TBC1D5: variants seen among roughly 807,000 people sequenced by gnomAD.
The protein encoded by TBC1D5 is TBC1 domain family, member 5.
TBC1D5 carries 75 observed loss-of-function variants against 100.3 expected under a neutral mutation model. The observed-to-expected ratio is 0.75, with a 90% CI of 0.62 to 0.91. TBC1D5 has a LOEUF of 0.91. Ranked by LOEUF, TBC1D5 falls within the 40% of genes least tolerant of loss-of-function variation. The pLI, the probability that TBC1D5 is intolerant of heterozygous loss-of-function variation, is 0.00. For synonymous variants in TBC1D5, 323 were observed against 325.6 expected, an observed-to-expected ratio of 0.99 and a Z score of 0.09; for missense variants, 910 against 942.4, an observed-to-expected ratio of 0.97 and a Z score of 0.45.
intron 15 of TBC1D5, among the ~76,000 whole-genome samples, chr3:17,265,154 GAATAT>G (rs1011470688): frequency 2.6e-5 from 4 of 152,030 alleles, no homozygotes; most frequent in Admixed American, 6.6e-5. Context: ...TAGCATATGA[GAATAT>G]AATAATCAAA....
At chr3:17,571,991 A>G (rs2096630110) in intron 2 of TBC1D5, among the ~76,000 whole-genome samples, 1 of 151,968 alleles carries the variant, frequency 6.6e-6, no homozygotes, top group South Asian at 2.1e-4. Context: ...GGCATCTCTA[A>G]TAAGCAAAAT....
intron 1 of TBC1D5, among the ~76,000 whole-genome samples, chr3:17,739,097 T>C (rs539165234): frequency 1.3e-5 from 2 of 152,214 alleles, no homozygotes; most frequent in Admixed American, 1.3e-4. Flanking sequence ...TCCCAGCTCT[T>C]CCACTGCTGA....
At chr3:17,633,688 T>A (rs927911059) in intron 1 of TBC1D5, among the ~76,000 whole-genome samples, 3 of 152,192 alleles carry the variant, frequency 2.0e-5, no homozygotes, top group Non-Finnish European at 2.9e-5. Context: ...TACTTTGGAT[T>A]AGAATCATTC....
chr3:17,181,793 A>C (rs1442076450), intron 19 of TBC1D5, among the ~76,000 whole-genome samples: 1 of 152,224 alleles, frequency 6.6e-6, no homozygotes, highest in Non-Finnish European at 1.5e-5. Flanking sequence ...CTAGGCAACC[A>C]CTGTTAACAG....
intron 1 of TBC1D5, among the ~76,000 whole-genome samples, chr3:17,651,303 A>C (rs2065528851): frequency 6.6e-6 from 1 of 152,232 alleles, no homozygotes; most frequent in Admixed American, 6.5e-5. Context: ...GAATGTTTAT[A>C]ATGTAAGAAA....
At chr3:17,602,169 C>T (rs1270487276) in intron 2 of TBC1D5, among the ~76,000 whole-genome samples, 1 of 152,180 alleles carries the variant, frequency 6.6e-6, no homozygotes, top group Non-Finnish European at 1.5e-5. Flanking sequence ...TATTCCACAA[C>T]CCATAACCTT....
intron 2 of TBC1D5, among the ~76,000 whole-genome samples, chr3:17,539,717 A>T (rs1207846564): frequency 6.6e-6 from 1 of 152,196 alleles, no homozygotes; most frequent in East Asian, 1.9e-4. Context: ...CGAAGGGTTC[A>T]TTCAGACAAT....
intron 3 of TBC1D5, among the ~76,000 whole-genome samples, chr3:17,451,664 C>A (rs1293255563): frequency 2.0e-5 from 3 of 152,124 alleles, no homozygotes; most frequent in Non-Finnish European, 4.4e-5. Context: ...AGGAGAAATA[C>A]CTAATGTGGA....
intron 3 of TBC1D5, among the ~76,000 whole-genome samples, chr3:17,458,632 C>T (rs1471990590): frequency 2.6e-5 from 4 of 152,152 alleles, no homozygotes; most frequent in African/African-American, 9.7e-5. Flanking sequence ...ATGCCTCTCC[C>T]TGCAGGTATT....
At chr3:17,255,274 C>G (rs1425564367) in intron 16 of TBC1D5, among the ~76,000 whole-genome samples, 1 of 152,166 alleles carries the variant, frequency 6.6e-6, no homozygotes, top group Non-Finnish European at 1.5e-5. Context: ...GATCTCGGCT[C>G]ACTGCAACCT....
At chr3:17,287,267 A>G (rs1166177369) in intron 15 of TBC1D5, among the ~76,000 whole-genome samples, 1 of 152,230 alleles carries the variant, frequency 6.6e-6, no homozygotes, top group African/African-American at 2.4e-5. Flanking sequence ...AATCAATTCT[A>G]TCATTATTTC....
intron 18 of TBC1D5, among the ~76,000 whole-genome samples, chr3:17,192,730 A>C (rs1225077730): frequency 1.3e-5 from 2 of 152,254 alleles, no homozygotes. Flanking sequence ...CATTTATTTC[A>C]ACCCCTTCTT....
At chr3:17,367,145 A>G (rs1410202148) in intron 13 of TBC1D5, among the ~76,000 whole-genome samples, 1 of 152,220 alleles carries the variant, frequency 6.6e-6, no homozygotes, top group Non-Finnish European at 1.5e-5. Flanking sequence ...TACAGATTCA[A>G]TACATTTAAA....
chr3:17,563,791 G>T (rs939194076), intron 2 of TBC1D5, among the ~76,000 whole-genome samples: 5 of 151,710 alleles, frequency 3.3e-5, no homozygotes, highest in African/African-American at 1.2e-4. Flanking sequence ...TTGTTTTTTT[G>T]GTTTTTTTTG....
Position 17,519,562 on chromosome 3 carries a change from G to GT in TBC1D5, c.-35-10958dup, listed in dbSNP as rs530260144. Among the ~76,000 whole-genome samples the GT allele has an allele frequency of 7.0e-4, 107 of 152,256 alleles. 1 individual carries two copies. The highest frequency in any genetic ancestry group is 7.8e-4 in the Admixed American group (12 of 15,296). ...TAACCATTCTTTAGTATAATGGTTG[G>GT]TTTTCGACTAACTTCTATTGTGAGG... is the stretch of plus-strand genomic sequence containing the variant. On this transcript the variant is annotated intron_variant, in intron 2 of 21. Coordinates refer to ENST00000253692, the Ensembl canonical transcript of TBC1D5.
intron 1 of TBC1D5, among the ~76,000 whole-genome samples, chr3:17,708,072 C>A (rs1052143553): frequency 1.1e-4 from 16 of 152,152 alleles, no homozygotes; most frequent in Non-Finnish European, 1.3e-4. Flanking sequence ...CTGTTCACCA[C>A]CCCCAGTGGC....
chr3:17,647,286 A>C (rs1303932144), intron 1 of TBC1D5, among the ~76,000 whole-genome samples: 1 of 152,134 alleles, frequency 6.6e-6, no homozygotes, highest in Non-Finnish European at 1.5e-5. Context: ...TCCTACCCTC[A>C]TGAAGCTTAC....
Position 17,592,341 on chromosome 3 carries a change from T to C in TBC1D5, c.-36+31508A>G, listed in dbSNP as rs370494025. Among the ~76,000 whole-genome samples, 26 of 152,328 alleles carry C rather than the reference T, an allele frequency of 1.7e-4. 2 individuals carry two copies. The South Asian group carries it at 4.1e-3, about 24-fold the overall frequency. Reference sequence around the variant, plus strand: ...AGAAGTAGCAAACACACTGGACTTATTGGTGAGACATTTGCGTGTCAGAGG... The same window carrying C: ...AGAAGTAGCAAACACACTGGACTTACTGGTGAGACATTTGCGTGTCAGAGG... On this transcript the variant is annotated intron_variant, in intron 2 of 21. Transcript: ENST00000253692.
intron 13 of TBC1D5, among the ~76,000 whole-genome samples, chr3:17,363,987 G>A (rs886500552): frequency 6.7e-6 from 1 of 150,370 alleles, no homozygotes; most frequent in African/African-American, 2.5e-5. Context: ...ATTTAACAGA[G>A]TTTAATCGAG....
Sources: allele counts gnomAD v4.1 joint callset (sites outside exome capture counted in the v4.1 genomes callset), GRCh38; gene constraint gnomAD v4.1.1; transcripts MANE v1.5; gene names NCBI Gene and HGNC (gene_info 2026-07-23, HGNC 2026-07-21).